The following KCNB2 variants were observed in gnomAD, a reference collection of about 807,000 sequenced individuals.
KCNB2 encodes potassium voltage-gated channel subfamily B member 2.
In KCNB2, 15 loss-of-function variants were observed where a neutral mutation model predicts 61.5. The ratio of observed to expected loss-of-function variants is 0.24; its 90% CI spans 0.16 to 0.38. The LOEUF is 0.38. KCNB2 is among the 10% of genes least tolerant of loss of function. KCNB2 has a pLI of 1.00. For synonymous variants in KCNB2, 457 were observed against 446.0 expected, an observed-to-expected ratio of 1.02 and a Z score of -0.31; for missense variants, 828 against 1,125.2, an observed-to-expected ratio of 0.74 and a Z score of 3.78.
At chr8:72,555,743 T>TTTTTA (rs149402399) in intron 1 of KCNB2, among the ~76,000 whole-genome samples, 31 of 151,688 alleles carry the variant, frequency 2.0e-4, no homozygotes, top group South Asian at 1.5e-3. Context: ...TTGGATTTTC[T>TTTTTA]TTTTATTTTA....
intron 2 of KCNB2, among the ~76,000 whole-genome samples, chr8:72,666,991 G>A (rs1458348506): frequency 3.9e-5 from 5 of 129,238 alleles, no homozygotes; most frequent in Non-Finnish European, 7.5e-5. Context: ...ATAAGTGTGT[G>A]TGTGTGTGTG....
intron 1 of KCNB2, among the ~76,000 whole-genome samples, chr8:72,565,160 TA>T (rs1386228080): frequency 6.7e-6 from 1 of 150,328 alleles, no homozygotes. Context: ...TATATATGCT[TA>T]AAATATTCCT....
rs1470149056 is a variant in KCNB2, at chr8:72,813,411, ACC to A, written c.580-122522_580-122521del. On this transcript the variant is annotated intron_variant, in intron 2 of 2. Coordinates refer to ENST00000523207, the MANE Select transcript of KCNB2 (RefSeq NM_004770.3). ...ATATGAAACTGCCACTTAAGTTTACACCCAAAAAAAATAACTTACAGACATCT... is the reference window on the plus strand; with the variant it reads ...ATATGAAACTGCCACTTAAGTTTACACAAAAAAAATAACTTACAGACATCT... 2.6e-5 allele frequency among the ~76,000 whole-genome samples: 4 copies of A among 152,228 alleles called. No homozygotes were observed. The South Asian group carries it at 8.3e-4, about 32-fold the overall frequency.
chr8:72,644,122 A>G (rs1806094555), intron 2 of KCNB2, among the ~76,000 whole-genome samples: 2 of 152,248 alleles, frequency 1.3e-5, no homozygotes, highest in Admixed American at 1.3e-4. Context: ...TTTGAAAGAG[A>G]GTTTTGTGCT....
At chr8:72,755,092 A>G (rs116887629) in intron 2 of KCNB2, among the ~76,000 whole-genome samples, 1,968 of 152,284 alleles carry the variant, frequency 0.013, 13 homozygotes, top group Non-Finnish European at 0.02. Context: ...TCTCAGTCTA[A>G]TATTTAATTA....
chr8:72,772,363 C>T (rs1192606633), intron 2 of KCNB2, among the ~76,000 whole-genome samples: 1 of 152,180 alleles, frequency 6.6e-6, no homozygotes, highest in Non-Finnish European at 1.5e-5. Context: ...CATTAGCATC[C>T]AGTCATGACA....
rs556602178 is a variant in KCNB2, at chr8:72,810,195, G to A, written c.580-125740G>A. 5.9e-5 allele frequency among the ~76,000 whole-genome samples: 9 copies of A among 152,294 alleles called. No individual in the cohort carries two copies. In the East Asian group the frequency reaches 1.2e-3, roughly 20 times the overall value. ...TCCAGTCAGGCTGAAGGAACTTACC[G>A]CAGAGGGTTCAGCACCAAGTGGACA... is the stretch of plus-strand genomic sequence containing the variant. On this transcript the variant is annotated intron_variant, in intron 2 of 2. Coordinates refer to ENST00000523207, the MANE Select transcript of KCNB2 (RefSeq NM_004770.3).
At chr8:72,638,143 A>G (rs976172777) in intron 2 of KCNB2, among the ~76,000 whole-genome samples, 1 of 152,050 alleles carries the variant, frequency 6.6e-6, no homozygotes, top group African/African-American at 2.4e-5. Flanking sequence ...CCTTTCCCCC[A>G]CCATCGTAGA....
At chr8:72,725,601 A>ATATATG (rs1554587083) in intron 2 of KCNB2, among the ~76,000 whole-genome samples, 1 of 100,248 alleles carries the variant, frequency 1.0e-5, no homozygotes, top group Non-Finnish European at 2.1e-5. Context: ...GTATATATAT[A>ATATATG]TATATATATA....
rs2019731 is a variant in KCNB2, at chr8:72,620,797, G to A, written c.579+52484G>A. Among the ~76,000 whole-genome samples the A allele has an allele frequency of 2.7e-3, 407 of 152,046 alleles. 3 individuals are homozygous for A. Among genetic ancestry groups the A allele is most frequent in the Middle Eastern group, 0.014 (4 of 294 alleles). On this transcript the variant is annotated intron_variant, in intron 2 of 2. Transcript: ENST00000523207. ...CTAATTTCGTGTTTTTAGTAGAGAC[G>A]GGGTTTCACCACGTTGGCCAGGCTG...
chr8:72,780,704 A>T (rs534503583), intron 2 of KCNB2, among the ~76,000 whole-genome samples: 83 of 152,272 alleles, frequency 5.5e-4, no homozygotes, highest in African/African-American at 2.0e-3. Context: ...TATCTTTATA[A>T]CAGAATGATT....
At chr8:72,773,734 G>A (rs1036919753) in intron 2 of KCNB2, among the ~76,000 whole-genome samples, 3 of 152,098 alleles carry the variant, frequency 2.0e-5, no homozygotes, top group Admixed American at 6.5e-5. Flanking sequence ...GAGCTGGTCA[G>A]GTTTTATTTT....
intron 2 of KCNB2, among the ~76,000 whole-genome samples, chr8:72,895,810 C>T (rs1027545725): frequency 4.5e-4 from 69 of 152,106 alleles, no homozygotes; most frequent in African/African-American, 1.6e-3. Flanking sequence ...GACCAATATT[C>T]AAGACCAGCA....
At chr8:72,715,812 A>C (rs1807428072) in intron 2 of KCNB2, among the ~76,000 whole-genome samples, 1 of 152,208 alleles carries the variant, frequency 6.6e-6, no homozygotes, top group South Asian at 2.1e-4. Context: ...AACTAAGATC[A>C]GAGCAGAACT....
In KCNB2 at chr8:72,557,323, G is replaced by A. The variant is rs577902615; in HGVS notation, c.-93-10319G>A. ...AAATACATTCTATTATTCGGAAAGA[G>A]AAGAGACAATTGTTAACAGGTATAA... On this transcript the variant is annotated intron_variant, in intron 1 of 2. Transcript: ENST00000523207. Among the ~76,000 whole-genome samples the A allele has an allele frequency of 3.0e-4, 45 of 152,242 alleles. No homozygotes were observed. In the South Asian group the frequency reaches 7.9e-3, roughly 27 times the overall value.
intron 2 of KCNB2, among the ~76,000 whole-genome samples, chr8:72,725,584 T>TA (rs1807629968): frequency 3.0e-5 from 2 of 66,276 alleles, no homozygotes; most frequent in African/African-American, 9.3e-5. Flanking sequence ...TGTATATATA[T>TA]ATGTATGTAT....
intron 2 of KCNB2, among the ~76,000 whole-genome samples, chr8:72,601,080 G>A (rs1388139481): frequency 6.6e-6 from 1 of 151,106 alleles, no homozygotes; most frequent in African/African-American, 2.4e-5. Flanking sequence ...ATTGCTACCT[G>A]TAAAAAAAAG....
In KCNB2 at chr8:72,667,102, C is replaced by T. The variant is rs75744965; in HGVS notation, c.579+98789C>T. On this transcript the variant is annotated intron_variant, in intron 2 of 2. Transcript: ENST00000523207. Reference sequence around the variant, plus strand: ...ACTTCGGGCAAGTTATGTAAATTCTCTATGTCTTGGTTTGATCCTTTAAAA... The same window carrying T: ...ACTTCGGGCAAGTTATGTAAATTCTTTATGTCTTGGTTTGATCCTTTAAAA... Among the ~76,000 whole-genome samples the T allele has an allele frequency of 9.9e-3, 1,509 of 152,146 alleles. 24 individuals are homozygous for T. The highest frequency in any genetic ancestry group is 0.033 in the African/African-American group (1,370 of 41,516).
At position 72,599,458 on chromosome 8, in the gene KCNB2, T is replaced by C. The variant is rs938382363; in HGVS notation, c.579+31145T>C. Among the ~76,000 whole-genome samples the C allele has an allele frequency of 3.3e-5, 5 of 152,262 alleles. 1 individual carries two copies. The highest frequency in any genetic ancestry group is 1.2e-4 in the African/African-American group (5 of 41,548). On this transcript the variant is annotated intron_variant, in intron 2 of 2. Coordinates refer to ENST00000523207, the MANE Select transcript of KCNB2 (RefSeq NM_004770.3). ...TATACAAAAATTAATTCAAGATGGA[T>C]AAAAGACTTAAATGTTAGACCTAAA... is the stretch of plus-strand genomic sequence containing the variant.
Sources: gnomAD v4.1 joint callset for allele counts (sites outside exome capture counted in the v4.1 genomes callset) on GRCh38, gnomAD v4.1.1 for gene constraint, MANE v1.5 for transcripts, NCBI Gene and HGNC (gene_info 2026-07-23, HGNC 2026-07-21) for gene names.